The following CDH12 variants were observed in gnomAD, a reference collection of about 807,000 sequenced individuals.
The protein encoded by CDH12 is cadherin 12.
Under a neutral mutation model 74.1 loss-of-function variants are expected in CDH12, and 41 were observed. The ratio of observed to expected loss-of-function variants is 0.55; its 90% CI spans 0.43 to 0.72. The LOEUF is 0.72. Among genes scored for constraint, CDH12 ranks in the 30% least tolerant of loss-of-function variants. CDH12 has a pLI of 0.00. For missense variants in CDH12, 945 were observed against 977.2 expected, an observed-to-expected ratio of 0.97 and a Z score of 0.44; for synonymous variants, 399 against 355.0, an observed-to-expected ratio of 1.12 and a Z score of -1.39.
rs181998800 is a variant in CDH12 at position 22,050,019 on chromosome 5, A to C, written c.231+28427T>G. Among the ~76,000 whole-genome samples, 611 of 152,250 alleles carry C rather than the reference A, an allele frequency of 4.0e-3. 8 individuals carry two copies. Among genetic ancestry groups the C allele is most frequent in the Middle Eastern group, 0.014 (4 of 294 alleles). ...TTCCATGCACAGAATTTTGCTCATGAGCTGGTGCATTTCAAACACTTTCAC... is the reference window on the plus strand; with the variant it reads ...TTCCATGCACAGAATTTTGCTCATGCGCTGGTGCATTTCAAACACTTTCAC... On this transcript the variant is annotated intron_variant, in intron 5 of 14. Coordinates refer to ENST00000382254, the MANE Select transcript of CDH12 (RefSeq NM_004061.5).
intron 1 of CDH12, among the ~76,000 whole-genome samples, chr5:22,554,105 G>A (rs1738691035): frequency 6.6e-6 from 1 of 152,006 alleles, no homozygotes; most frequent in African/African-American, 2.4e-5. Context: ...AATCAGAAAA[G>A]AAACAATTAT....
intron 13 of CDH12, among the ~76,000 whole-genome samples, chr5:21,757,437 A>G (rs565269233): frequency 6.6e-6 from 1 of 152,108 alleles, no homozygotes; most frequent in Non-Finnish European, 1.5e-5. Flanking sequence ...TGGCCTCCCA[A>G]AGTGAGCCAC....
chr5:22,570,534 C>T (rs193079941), intron 1 of CDH12, among the ~76,000 whole-genome samples: 108 of 151,978 alleles, frequency 7.1e-4, no homozygotes, highest in Middle Eastern at 3.4e-3. Flanking sequence ...AAAAAAATAA[C>T]ATTTATAGAT....
chr5:22,630,259 C>G (rs1178976795), intron 1 of CDH12, among the ~76,000 whole-genome samples: 1 of 151,968 alleles, frequency 6.6e-6, no homozygotes, highest in African/African-American at 2.4e-5. Context: ...AAAAAAGAAA[C>G]TATTCTAAAA....
chr5:22,644,153 A>G (rs533457505), intron 1 of CDH12, among the ~76,000 whole-genome samples: 3 of 152,078 alleles, frequency 2.0e-5, no homozygotes, highest in Non-Finnish European at 2.9e-5. Context: ...TACATGTTCA[A>G]GTGAAAAGTC....
At chr5:22,290,649 T>C (rs1478152574) in intron 3 of CDH12, among the ~76,000 whole-genome samples, 2 of 152,134 alleles carry the variant, frequency 1.3e-5, no homozygotes, top group Non-Finnish European at 2.9e-5. Context: ...ATAGAATTTA[T>C]GGGACAGCAC....
intron 2 of CDH12, among the ~76,000 whole-genome samples, chr5:22,490,371 C>T (rs1746809327): frequency 2.6e-5 from 4 of 152,060 alleles, no homozygotes; most frequent in African/African-American, 7.2e-5. Flanking sequence ...CCAAGAAATC[C>T]GTTTTATCTA....
chr5:22,696,113 A>G (rs1742342747), intron 1 of CDH12, among the ~76,000 whole-genome samples: 1 of 152,144 alleles, frequency 6.6e-6, no homozygotes, highest in Non-Finnish European at 1.5e-5. Context: ...TCATGCCTGT[A>G]ATCCCTGCAC....
intron 2 of CDH12, among the ~76,000 whole-genome samples, chr5:22,417,993 T>C (rs1743473338): frequency 6.6e-6 from 1 of 152,176 alleles, no homozygotes; most frequent in South Asian, 2.1e-4. Context: ...TTTAATTTTA[T>C]TTTAAGTTCT....
intron 6 of CDH12, among the ~76,000 whole-genome samples, chr5:21,944,575 A>G (rs1358415956): frequency 6.6e-6 from 1 of 152,162 alleles, no homozygotes; most frequent in Non-Finnish European, 1.5e-5. Flanking sequence ...GTGGTGATTA[A>G]TTGGTGTGGA....
intron 1 of CDH12, among the ~76,000 whole-genome samples, chr5:22,637,150 T>G (rs77835385): frequency 0.024 from 3,611 of 152,332 alleles, 158 homozygotes; most frequent in East Asian, 0.14. Context: ...TTTAATGTAT[T>G]ATATTCATAC....
chr5:22,754,262 C>T (rs185911650), intron 1 of CDH12, among the ~76,000 whole-genome samples: 3 of 152,218 alleles, frequency 2.0e-5, no homozygotes, highest in East Asian at 1.9e-4. Flanking sequence ...TGACAAGAGA[C>T]GACACTTTCG....
At chr5:22,353,118 T>G (rs1309689957) in intron 3 of CDH12, among the ~76,000 whole-genome samples, 4 of 152,210 alleles carry the variant, frequency 2.6e-5, no homozygotes, top group Admixed American at 6.5e-5. Context: ...GTTACAGTCA[T>G]CAGTCTTATA....
In CDH12 at chr5:21,751,745, C is replaced by T; in HGVS notation, c.2377G>A (p.Val793Ile). The T allele has an allele frequency of 2.5e-6, 4 of 1,610,648 alleles. No homozygotes were observed. Among genetic ancestry groups the T allele is most frequent in the African/African-American group, 2.7e-5 (2 of 74,802 alleles). The change falls in exon 15 of 15, where the codon GTC becomes ATC. Residue 793 changes from valine (V) to isoleucine (I), a missense_variant. Physicochemically the swap from Val to Ile is conservative, Grantham distance 29 (BLOSUM62 3). This residue lies in a region of CDH12 where 791 missense variants were observed against 792.8 expected (regional missense o/e 1.00). Transcript: ENST00000382254. Reference sequence around the variant, plus strand: ...TAGCCTCCACGACTCCCTTAAGTGACTTTATCAGGGTTATAACTCTCTTCT... The same window carrying T: ...TAGCCTCCACGACTCCCTTAAGTGATTTTATCAGGGTTATAACTCTCTTCT... The part of the protein sequence containing the change: ...GEEESYNPDK[V>I]T
intron 6 of CDH12, among the ~76,000 whole-genome samples, chr5:21,907,500 G>A (rs1247917840): frequency 1.3e-5 from 2 of 152,156 alleles, no homozygotes; most frequent in Non-Finnish European, 2.9e-5. Flanking sequence ...ATCATGCCAT[G>A]GAAGCCCGAT....
chr5:22,826,752 A>C (rs1736348787), intron 1 of CDH12, among the ~76,000 whole-genome samples: 1 of 152,160 alleles, frequency 6.6e-6, no homozygotes, highest in Non-Finnish European at 1.5e-5. Context: ...GAAATCTGAG[A>C]TTGAGAAAGA....
chr5:22,705,713 A>AT (rs554267544), intron 1 of CDH12, among the ~76,000 whole-genome samples: 5 of 151,952 alleles, frequency 3.3e-5, no homozygotes, highest in South Asian at 2.1e-4. Flanking sequence ...AGATAATTAC[A>AT]TTTTTTTTCC....
chr5:22,435,457 A>G (rs1744342949), intron 2 of CDH12, among the ~76,000 whole-genome samples: 1 of 149,450 alleles, frequency 6.7e-6, no homozygotes, highest in African/African-American at 2.5e-5. Flanking sequence ...TATACACACA[A>G]ATGTGTGTGT....
At chr5:22,317,101 C>G (rs116595903) in intron 3 of CDH12, among the ~76,000 whole-genome samples, 1 of 151,946 alleles carries the variant, frequency 6.6e-6, no homozygotes, top group East Asian at 1.9e-4. Context: ...GCAGATCACC[C>G]GAGCTCAGGA....
Sources: allele counts gnomAD v4.1 joint callset (sites outside exome capture counted in the v4.1 genomes callset), GRCh38; gene constraint gnomAD v4.1.1; regional missense constraint gnomAD v4.1.1; transcripts MANE v1.5; gene names NCBI Gene and HGNC (gene_info 2026-07-23, HGNC 2026-07-21).